Variants in CWF19L2 observed in about 807,000 individuals in gnomAD.
The protein encoded by CWF19L2 is CWF19 like cell cycle control factor 2.
A neutral mutation model predicts 111.7 loss-of-function variants in CWF19L2; 98 were observed. That is an observed-to-expected ratio of 0.88 (90% confidence interval 0.75 to 1.04). The LOEUF is 1.04. Among genes scored for constraint, CWF19L2 ranks in the 50% least tolerant of loss-of-function variants. CWF19L2 has a pLI of 0.00. For synonymous variants in CWF19L2, 351 were observed against 342.9 expected (o/e 1.02, Z -0.26); for missense variants, 1,101 against 1,051.4 (o/e 1.05, Z -0.65).
rs146504700 is a variant in CWF19L2 at position 107,353,553 on chromosome 11, T to G, written c.2056A>C (p.Lys686Gln). 51 of 1,613,640 alleles carry G rather than the reference T, an allele frequency of 3.2e-5. No homozygotes were observed. The African/African-American group carries it at 6.4e-4, about 20-fold the overall frequency. ...LYCFDSSQFP[K>Q]HLIVAIGVKV... ...ACACCTATTGCAACAATAAGATGCT[T>G]GGGAAATTGAGAGCTGTCAAAACAA... The change falls in exon 13 of 18, where the codon AAG (lysine) becomes CAG (glutamine). Residue 686 changes from lysine (K) to glutamine (Q), a missense_variant. Coordinates refer to ENST00000282251, the MANE Select transcript of CWF19L2 (RefSeq NM_152434.3).
At chr11:107,454,309 A>G in intron 3 of CWF19L2, 141 bp downstream of exon 3, 2 of 583,012 alleles carry the variant, frequency 3.4e-6, no homozygotes, top group Non-Finnish European at 5.2e-6. Flanking sequence ...GACATCTCTA[A>G]GTAGATGTAT....
intron 10 of CWF19L2, chr11:107,404,640 C>A: frequency 2.0e-6 from 1 of 503,028 alleles, no homozygotes; most frequent in Non-Finnish European, 3.7e-6. Flanking sequence ...CCCACGCTTA[C>A]CCCAACAGAT....
chr11:107,410,772 C>A (rs972255393), intron 10 of CWF19L2, among the ~76,000 whole-genome samples: 1 of 152,126 alleles, frequency 6.6e-6, no homozygotes, highest in Non-Finnish European at 1.5e-5. Flanking sequence ...AAATGTTTTC[C>A]TTCTGTTCCA....
At chr11:107,346,520 T>C (rs1860083014) in intron 14 of CWF19L2, among the ~76,000 whole-genome samples, 1 of 152,166 alleles carries the variant, frequency 6.6e-6, no homozygotes, top group Non-Finnish European at 1.5e-5. Flanking sequence ...CATGCTACAC[T>C]GCAGAACCTT....
intron 12 of CWF19L2, among the ~76,000 whole-genome samples, chr11:107,374,022 A>T (rs79841728): frequency 1.5e-5 from 2 of 137,132 alleles, no homozygotes; most frequent in South Asian, 2.5e-4. Flanking sequence ...GGGTATCAGC[A>T]ATGGAAGATG....
rs750773524 is a variant in CWF19L2 at position 107,428,791 on chromosome 11, T to C, written c.1433+8A>G. 2.6e-5 allele frequency: 41 copies of C among 1,588,276 alleles called. No individual in the cohort carries two copies. Among genetic ancestry groups the C allele is most frequent in the Non-Finnish European group, 3.1e-5 (36 of 1,169,686 alleles). On this transcript the variant is annotated splice_region_variant and intron_variant, in intron 8 of 17. Coordinates refer to ENST00000282251, the MANE Select transcript of CWF19L2 (RefSeq NM_152434.3). The stretch of plus-strand genomic sequence containing the variant: ...CTTAACTTATTAGGTTAAAAAATGA[T>C]AAAATACCCAGCAAATGTAGACTTT...
At chr11:107,456,309 CTCTT>C (rs1439944987) in intron 1 of CWF19L2, among the ~76,000 whole-genome samples, 4 of 152,262 alleles carry the variant, frequency 2.6e-5, no homozygotes, top group Non-Finnish European at 4.4e-5. Flanking sequence ...CGTTCCTGCC[CTCTT>C]TCTTTCCCTG....
chr11:107,435,948 G>A (rs576996338), intron 6 of CWF19L2, among the ~76,000 whole-genome samples: 42 of 152,188 alleles, frequency 2.8e-4, no homozygotes, highest in Non-Finnish European at 5.6e-4. Context: ...GAGGTCAAGA[G>A]ATCAAGACCA....
At chr11:107,454,641 AG>A in intron 2 of CWF19L2, 69 bp from the exon 3 acceptor site, 6 of 1,123,812 alleles carry the variant, frequency 5.3e-6, no homozygotes, top group South Asian at 7.0e-5. Flanking sequence ...GTATTCTGAG[AG>A]AAAAAAAATA....
At chr11:107,411,042 AG>A (rs1476114790) in intron 10 of CWF19L2, among the ~76,000 whole-genome samples, 1 of 151,692 alleles carries the variant, frequency 6.6e-6, no homozygotes, top group African/African-American at 2.4e-5. Context: ...TCTCAGGCTT[AG>A]GTCTATGCTT....
chr11:107,381,117 G>A lies in CWF19L2; in HGVS notation c.1872+8957C>T, dbSNP rs151241436. Among the ~76,000 whole-genome samples, 39 of 152,240 alleles carry A rather than the reference G, an allele frequency of 2.6e-4. No homozygotes were observed. In the East Asian group the frequency reaches 5.4e-3, roughly 21 times the overall value. On this transcript the variant is annotated intron_variant, in intron 12 of 17. Transcript: ENST00000282251. The stretch of plus-strand genomic sequence containing the variant: ...ACTGTTTAATGGGTATAGAGCTTCT[G>A]TCTGAGATAATGAAAAAATGTTCTG...
intron 5 of CWF19L2, among the ~76,000 whole-genome samples, chr11:107,439,776 T>G (rs570728067): frequency 1.1e-4 from 16 of 152,236 alleles, no homozygotes; most frequent in Admixed American, 2.0e-4. Flanking sequence ...GACAAGAGAT[T>G]ATGTTGTAGA....
chr11:107,373,705 C>G (rs563727912), intron 12 of CWF19L2, among the ~76,000 whole-genome samples: 1 of 133,046 alleles, frequency 7.5e-6, no homozygotes, highest in South Asian at 2.7e-4. Flanking sequence ...CTCTAAAAAG[C>G]AGAGCGCCTC....
At chr11:107,426,462 G>A (rs969264104) in intron 8 of CWF19L2, among the ~76,000 whole-genome samples, 1 of 151,714 alleles carries the variant, frequency 6.6e-6, no homozygotes, top group Admixed American at 6.6e-5. Flanking sequence ...TCCACTCCTT[G>A]GAATTTATTT....
intron 1 of CWF19L2, among the ~76,000 whole-genome samples, chr11:107,457,315 T>A (rs1861869041): frequency 6.6e-6 from 1 of 152,162 alleles, no homozygotes; most frequent in Non-Finnish European, 1.5e-5. Context: ...GTGACTTGAA[T>A]GTGTTTCCGA....
rs760863653 is a variant in CWF19L2, at chr11:107,348,888, A to G, written c.2202+49T>C. 9 of 1,076,568 alleles carry G rather than the reference A, an allele frequency of 8.4e-6. No individual in the cohort carries two copies. In the South Asian group the frequency reaches 1.1e-4, roughly 14 times the overall value. 66.7% of individuals were successfully genotyped at this position (1,076,568 alleles called of 1,614,324 possible). A position where few individuals can be genotyped will look rare whatever the true frequency, so the allele number is the denominator to read the frequency against. On this transcript the variant is annotated intron_variant, in intron 14 of 17. Transcript: ENST00000282251. Reference sequence around the variant, plus strand: ...TTGGAATTTATCACAATAATTTACAAAAATTGCTCATGAGTTTTAAAATGA... The same window carrying G: ...TTGGAATTTATCACAATAATTTACAGAAATTGCTCATGAGTTTTAAAATGA...
chr11:107,441,657 C>G (rs1411859862), intron 4 of CWF19L2, 35 bp from the exon 5 acceptor site: 1 of 1,490,338 alleles, frequency 6.7e-7, no homozygotes, highest in Non-Finnish European at 8.9e-7. Context: ...CAACAGTCAT[C>G]CACTCATCAT....
At chr11:107,445,703 T>C (rs1413074524) in intron 3 of CWF19L2, among the ~76,000 whole-genome samples, 3 of 151,952 alleles carry the variant, frequency 2.0e-5, no homozygotes, top group Non-Finnish European at 2.9e-5. Flanking sequence ...TCATCTTTCC[T>C]GCTCCCCTTC....
intron 14 of CWF19L2, among the ~76,000 whole-genome samples, chr11:107,337,367 TTGTGTGTGTGTGTGTGTGTGTG>T (rs5794537): frequency 2.8e-4 from 42 of 148,216 alleles, no homozygotes; most frequent in African/African-American, 9.2e-4. Context: ...GGTGTGTGTT[TTGTGTGTGTGTGTGTGTGTGTG>T]TGTGTGTGTG....
Sources: gnomAD v4.1 joint callset for allele counts (sites outside exome capture counted in the v4.1 genomes callset) on GRCh38, gnomAD v4.1.1 for gene constraint, MANE v1.5 for transcripts, NCBI Gene and HGNC (gene_info 2026-07-23, HGNC 2026-07-21) for gene names.